The following TM4SF1 variants were observed in gnomAD, a reference collection of about 807,000 sequenced individuals.
TM4SF1 encodes transmembrane 4 L6 family member 1.
In TM4SF1, 20 loss-of-function variants were observed where a neutral mutation model predicts 24.5. The ratio of observed to expected loss-of-function variants is 0.82; its 90% confidence interval spans 0.57 to 1.19. The LOEUF is 1.19. Ranked by LOEUF, TM4SF1 falls within the 50% of genes most tolerant of loss-of-function variation. The probability of loss-of-function intolerance (pLI) is 0.00; values close to 1 mark genes in which losing one functional copy is unlikely to be tolerated. For synonymous variants in TM4SF1, 107 were observed against 95.4 expected, an observed-to-expected ratio of 1.12 and a Z score of -0.71; for missense variants, 258 against 248.1, an observed-to-expected ratio of 1.04 and a Z score of -0.27.
intron 3 of TM4SF1, among the ~76,000 whole-genome samples, chr3:149,373,105 G>A (rs146416995): frequency 1.3e-5 from 2 of 152,340 alleles, no homozygotes; most frequent in African/African-American, 4.8e-5. Context: ...ATAAGGCTGA[G>A]CTCCATGAAG....
At chr3:149,376,306 A>G (rs2108380014) in intron 1 of TM4SF1, among the ~76,000 whole-genome samples, 1 of 152,322 alleles carries the variant, frequency 6.6e-6, no homozygotes, top group East Asian at 1.9e-4. Context: ...TTCAGGTTCA[A>G]GATCGAAAGA....
chr3:149,374,001 A>T (rs1203267694), intron 3 of TM4SF1, among the ~76,000 whole-genome samples: 1 of 152,356 alleles, frequency 6.6e-6, no homozygotes, highest in Non-Finnish European at 1.5e-5. Flanking sequence ...GATTGATCAC[A>T]GTTTTGAACA....
Position 149,371,672 on chromosome 3 carries a change from C to G in TM4SF1, c.594+15G>C, listed in dbSNP as rs750396967. ...CACCAGGGCCAGACTACGACATTTT[C>G]ATGCAGGTTCTTACCTGTTGGTGAG... On this transcript the variant is annotated intron_variant, in intron 4 of 4. Transcript: ENST00000305366. 11 of 1,614,040 alleles carry G rather than the reference C, an allele frequency of 6.8e-6. No homozygotes were observed. In the South Asian group the frequency reaches 8.8e-5, roughly 13 times the overall value.
chr3:149,373,110 A>G (rs1025291752), intron 3 of TM4SF1, among the ~76,000 whole-genome samples: 3 of 152,246 alleles, frequency 2.0e-5, no homozygotes, highest in Non-Finnish European at 2.9e-5. Context: ...GCTGAGCTCC[A>G]TGAAGGTAGG....
At chr3:149,373,836 A>G (rs544846971) in intron 3 of TM4SF1, among the ~76,000 whole-genome samples, 161 of 152,342 alleles carry the variant, frequency 1.1e-3, no homozygotes, top group African/African-American at 3.7e-3. Flanking sequence ...TATAAAAACC[A>G]TTTAGCAATA....
intron 3 of TM4SF1, among the ~76,000 whole-genome samples, chr3:149,372,732 T>G (rs1039072064): frequency 2.0e-5 from 3 of 152,186 alleles, no homozygotes; most frequent in Admixed American, 6.5e-5. Context: ...CAAGCCATTC[T>G]CCTGCCTCAG....
Position 149,375,560 on chromosome 3 carries a change from A to T in TM4SF1, c.296T>A (p.Ile99Asn). Residue 99 changes from isoleucine to asparagine, a missense_variant, in exon 3 of 5, where the codon ATT (isoleucine) becomes AAT (asparagine). Coordinates refer to ENST00000305366, the MANE Select transcript of TM4SF1 (RefSeq NM_014220.3). ...AMLSSVLAAL[I>N]GIAGSGYCVI... is the part of the protein sequence containing the mutation. ...ACAGTAGCCAGATCCTGCAATTCCA[A>T]TGAGAGCAGCCAATACAGAAGAAAG... is the stretch of plus-strand genomic sequence containing the variant. The T allele has an allele frequency of 6.2e-7, 1 of 1,614,222 alleles. No homozygotes were observed. Among genetic ancestry groups the T allele is most frequent in the Non-Finnish European group, 8.5e-7 (1 of 1,180,032 alleles).
rs1215087500 is a variant in TM4SF1, at chr3:149,377,612, G to A, written c.-65C>T. On this transcript the variant is annotated 5_prime_UTR_variant, in exon 1 of 5. Coordinates refer to ENST00000305366, the MANE Select transcript of TM4SF1 (RefSeq NM_014220.3). ...AGCTCAGTGATACCCCAAATTAGAT[G>A]AAAGTGTGCCCTTCTGGTGGAGAAA... The A allele has an allele frequency of 2.6e-6, 4 of 1,551,428 alleles. No homozygotes were observed. Among genetic ancestry groups the A allele is most frequent in the Non-Finnish European group, 3.5e-6 (4 of 1,148,176 alleles).
chr3:149,369,623 C>A lies in TM4SF1; in HGVS notation c.*243G>T. 2.1e-6 allele frequency: 1 copy of A among 469,948 alleles called. No individual in the cohort carries two copies. Among genetic ancestry groups the A allele is most frequent in the East Asian group, 4.0e-5 (1 of 24,706 alleles). The allele number at this position is 469,948 out of a possible 1,614,324, so 29.1% of individuals were successfully genotyped here. A position where few individuals can be genotyped will look rare whatever the true frequency, so the allele number is the denominator to read the frequency against. Reference sequence around the variant, plus strand: ...CTGTCACTCAGTCTGTAAATTACCCCCAGAGGGTGGTTTGTTTCCTCATTC... The same window carrying A: ...CTGTCACTCAGTCTGTAAATTACCCACAGAGGGTGGTTTGTTTCCTCATTC... On this transcript the variant is annotated 3_prime_UTR_variant, in exon 5 of 5. Transcript: ENST00000305366.
chr3:149,369,963 C>A (rs1187454973), intron 4 of TM4SF1, 83 bp from the exon 5 acceptor site: 3 of 1,489,538 alleles, frequency 2.0e-6, no homozygotes, highest in East Asian at 2.4e-5. Context: ...CTATTTTAAG[C>A]AAACATAAAC....
At chr3:149,372,680 A>G (rs1450657957) in intron 3 of TM4SF1, among the ~76,000 whole-genome samples, 1 of 152,114 alleles carries the variant, frequency 6.6e-6, no homozygotes, top group Non-Finnish European at 1.5e-5. Context: ...CTGGAGTGCA[A>G]TGGCGCAATC....
At position 149,371,799 on chromosome 3, in the gene TM4SF1, G is replaced by T; in HGVS notation, c.482C>A (p.Ser161Tyr). 2 of 1,614,018 alleles carry T rather than the reference G, an allele frequency of 1.2e-6. No individual in the cohort carries two copies. The highest frequency in any genetic ancestry group is 1.7e-6 in the Non-Finnish European group (2 of 1,180,006). The change falls in exon 4 of 5, where the codon TCT becomes TAT. Residue 161 changes from serine to tyrosine, a missense_variant. Coordinates refer to ENST00000305366, the MANE Select transcript of TM4SF1 (RefSeq NM_014220.3). ...AAGAGCCAAGAGGATAGAAAACAGA[G>T]ATACATTCCATTCCACAATGTGCTT... ...EPKHIVEWNV[S>Y]LFSILLALGG...
In TM4SF1 at chr3:149,375,454, G is replaced by A. The variant is rs754148806; in HGVS notation, c.402C>T (p.Ser134=). 6.2e-7 allele frequency: 1 copy of A among 1,614,162 alleles called. No homozygotes were observed. The change falls in exon 3 of 5, where the codon AGC becomes AGT. Residue 134 remains serine (S), a synonymous_variant. Transcript: ENST00000305366. ...SLGQWNYTFA[S]TEGQYLLDTS... is the part of the protein sequence containing the mutation. ...GAGTAATTACATACTGGCCCTCAGT[G>A]CTGGCAAAGGTGTAGTTCCACTGGC...
chr3:149,373,090 A>T (rs1169778640), intron 3 of TM4SF1, among the ~76,000 whole-genome samples: 2 of 152,232 alleles, frequency 1.3e-5, no homozygotes, highest in African/African-American at 4.8e-5. Flanking sequence ...TTATGTATCT[A>T]TTCAATAAGG....
rs563204694 is a variant in TM4SF1, at chr3:149,372,092, T to A, written c.414-225A>T. On this transcript the variant is annotated intron_variant, in intron 3 of 4. Coordinates refer to ENST00000305366, the MANE Select transcript of TM4SF1 (RefSeq NM_014220.3). Reference sequence around the variant, plus strand: ...TAATTTATAATTTTTGACCCCAATCTAGGATTACATGGTCAGAAATTCTCA... The same window carrying A: ...TAATTTATAATTTTTGACCCCAATCAAGGATTACATGGTCAGAAATTCTCA... Among the ~76,000 whole-genome samples, 8 of 152,322 alleles carry A rather than the reference T, an allele frequency of 5.3e-5. No individual in the cohort carries two copies. In the South Asian group the frequency reaches 1.7e-3, roughly 32 times the overall value.
chr3:149,372,363 T>G (rs929957328), intron 3 of TM4SF1, among the ~76,000 whole-genome samples: 1 of 152,192 alleles, frequency 6.6e-6, no homozygotes, highest in Non-Finnish European at 1.5e-5. Context: ...GGTATTTGTA[T>G]TCAATATTGA....
At chr3:149,377,227 T>C (rs1218486837) in intron 1 of TM4SF1, 144 bp downstream of exon 1, 1 of 1,066,978 alleles carries the variant, frequency 9.4e-7, no homozygotes, top group Non-Finnish European at 1.3e-6. Flanking sequence ...CTCGCTTTTG[T>C]ATAATCTGCT....
chr3:149,374,115 T>C (rs114914360), intron 3 of TM4SF1, among the ~76,000 whole-genome samples: 2 of 105,224 alleles, frequency 1.9e-5, no homozygotes, highest in African/African-American at 8.0e-5. Context: ...ACAGTGGCAG[T>C]TGCACACAAT....
intron 1 of TM4SF1, among the ~76,000 whole-genome samples, chr3:149,376,627 C>T (rs963277830): frequency 6.6e-6 from 1 of 152,162 alleles, no homozygotes; most frequent in Admixed American, 6.5e-5. Context: ...GAAAATTTAT[C>T]ACGTATGGTA....
Sources: gnomAD v4.1 joint callset for allele counts (sites outside exome capture counted in the v4.1 genomes callset) on GRCh38, gnomAD v4.1.1 for gene constraint, MANE v1.5 for transcripts, NCBI Gene and HGNC (gene_info 2026-07-23, HGNC 2026-07-21) for gene names.